The following PTPRT variants were observed in gnomAD, a reference collection of about 807,000 sequenced individuals.
PTPRT encodes protein tyrosine phosphatase receptor type T.
A neutral mutation model predicts 176.8 loss-of-function variants in PTPRT; 56 were observed. The observed-to-expected ratio is 0.32, with a 90% CI of 0.26 to 0.40. The LOEUF is 0.40. Ranked by LOEUF, PTPRT falls within the 10% of genes least tolerant of loss-of-function variation. The pLI is 1.00. For missense variants in PTPRT, 1,540 were observed against 1,908.2 expected (o/e 0.81, Z 3.60); for synonymous variants, 783 against 739.0 (o/e 1.06, Z -0.96).
intron 7 of PTPRT, among the ~76,000 whole-genome samples, chr20:42,596,160 T>C (rs1028671982): frequency 5.9e-5 from 9 of 152,204 alleles, no homozygotes; most frequent in Admixed American, 5.9e-4. Flanking sequence ...TCCAGTGGTA[T>C]AGATCTATCA....
intron 1 of PTPRT, among the ~76,000 whole-genome samples, chr20:43,036,295 G>A (rs1056775830): frequency 2.6e-5 from 4 of 152,152 alleles, no homozygotes; most frequent in African/African-American, 9.7e-5. Flanking sequence ...TCACAAGTGG[G>A]ATCATGGCAT....
intron 1 of PTPRT, among the ~76,000 whole-genome samples, chr20:42,888,244 T>C (rs2079134314): frequency 6.6e-6 from 1 of 151,732 alleles, no homozygotes; most frequent in East Asian, 1.9e-4. Flanking sequence ...ATATAAACTT[T>C]TCTTGTCATA....
At chr20:42,894,768 A>G (rs983095537) in intron 1 of PTPRT, among the ~76,000 whole-genome samples, 1 of 152,188 alleles carries the variant, frequency 6.6e-6, no homozygotes, top group African/African-American at 2.4e-5. Context: ...TTCACTGCCC[A>G]GGCCCAGGAT....
intron 1 of PTPRT, among the ~76,000 whole-genome samples, chr20:42,961,498 T>C (rs1481796919): frequency 1.3e-5 from 2 of 152,172 alleles, no homozygotes; most frequent in African/African-American, 4.8e-5. Flanking sequence ...GTAGAATGAG[T>C]GTCCTCGAAC....
chr20:42,711,268 G>T (rs1166531761), intron 6 of PTPRT, among the ~76,000 whole-genome samples: 1 of 152,084 alleles, frequency 6.6e-6, no homozygotes, highest in Non-Finnish European at 1.5e-5. Context: ...GGGGTCCAGG[G>T]GTGGAATGAT....
chr20:42,857,302 T>A (rs1245603500), intron 2 of PTPRT, among the ~76,000 whole-genome samples: 1 of 152,186 alleles, frequency 6.6e-6, no homozygotes, highest in East Asian at 1.9e-4. Context: ...ACTGCCCACA[T>A]CTGTTTCCAA....
chr20:42,417,674 T>C (rs766407245), intron 9 of PTPRT, among the ~76,000 whole-genome samples: 1 of 150,330 alleles, frequency 6.7e-6, no homozygotes, highest in Non-Finnish European at 1.5e-5. Flanking sequence ...ATTTACTGTA[T>C]CTAGCATGCC....
chr20:42,237,908 G>T (rs1250726754), intron 14 of PTPRT, among the ~76,000 whole-genome samples: 4 of 152,110 alleles, frequency 2.6e-5, no homozygotes, highest in Admixed American at 2.6e-4. Context: ...TTGATTACTT[G>T]CAACCATTAT....
At chr20:42,212,840 A>G (rs1392280309) in intron 15 of PTPRT, among the ~76,000 whole-genome samples, 3 of 152,226 alleles carry the variant, frequency 2.0e-5, no homozygotes, top group African/African-American at 7.2e-5. Flanking sequence ...TTAAATATGA[A>G]TACTTTGAAG....
chr20:42,400,514 A>G (rs879396357), intron 9 of PTPRT, among the ~76,000 whole-genome samples: 2 of 152,134 alleles, frequency 1.3e-5, no homozygotes, highest in African/African-American at 2.4e-5. Context: ...TCCAGGGGAC[A>G]ACAGAACTAT....
intron 7 of PTPRT, among the ~76,000 whole-genome samples, chr20:42,652,470 G>T (rs982952019): frequency 6.6e-6 from 1 of 152,138 alleles, no homozygotes; most frequent in Non-Finnish European, 1.5e-5. Context: ...CCTGCATCTG[G>T]TTATGATTGC....
chr20:43,097,921 T>C (rs1263385357), intron 1 of PTPRT, among the ~76,000 whole-genome samples: 2 of 152,120 alleles, frequency 1.3e-5, no homozygotes, highest in Non-Finnish European at 2.9e-5. Context: ...TACATTAATA[T>C]GGATGCAAGA....
chr20:42,119,785 CTCAT>C lies in PTPRT; in HGVS notation c.2884+146_2884+149del, dbSNP rs1454709447. On this transcript the variant is annotated intron_variant, in intron 20 of 30. Coordinates refer to ENST00000373187, the MANE Select transcript of PTPRT (RefSeq NM_007050.6). ...TCCGTGGCTTCTTTGCTGGTGGAAA[CTCAT>C]TCCTCTCCTCCAGGGCTGTTTAGTG... is the stretch of plus-strand genomic sequence containing the variant. The C allele has an allele frequency of 6.4e-6, 4 of 624,040 alleles. No homozygotes were observed. The African/African-American group carries it at 7.6e-5, about 12-fold the overall frequency. The allele number at this position is 624,040 out of a possible 1,614,324, so 38.7% of individuals were successfully genotyped here.
intron 13 of PTPRT, among the ~76,000 whole-genome samples, chr20:42,256,632 A>G (rs2056646678): frequency 6.7e-6 from 1 of 149,246 alleles, no homozygotes; most frequent in Non-Finnish European, 1.5e-5. Flanking sequence ...AGAAATAATC[A>G]CCAGAAACCA....
chr20:42,236,078 A>C (rs1263031660), intron 15 of PTPRT, 151 bp downstream of exon 15: 1 of 587,482 alleles, frequency 1.7e-6, no homozygotes, highest in Non-Finnish European at 2.9e-6. Context: ...CAAATGTAAC[A>C]CATTTATGCA....
intron 16 of PTPRT, 86 bp from the exon 17 acceptor site, chr20:42,161,628 A>T: frequency 3.5e-6 from 5 of 1,421,442 alleles, no homozygotes; most frequent in Non-Finnish European, 4.7e-6. Context: ...TGGCCTGAGG[A>T]GGGCAGAGGG....
chr20:42,599,927 GCCTCTC>G (rs1211205536), intron 7 of PTPRT, among the ~76,000 whole-genome samples: 1 of 151,788 alleles, frequency 6.6e-6, no homozygotes, highest in Non-Finnish European at 1.5e-5. Context: ...TATGCCCCAG[GCCTCTC>G]CATGGAGCCA....
At chr20:42,325,344 C>A (rs1313343131) in intron 11 of PTPRT, among the ~76,000 whole-genome samples, 1 of 152,154 alleles carries the variant, frequency 6.6e-6, no homozygotes, top group Non-Finnish European at 1.5e-5. Flanking sequence ...GGCCCTTCTC[C>A]TATGATTGAA....
Position 43,189,574 on chromosome 20 carries a change from C to CCCCGCGCCTGGCACACG in PTPRT, c.88+71_88+72insCGTGTGCCAGGCGCGGG. ...CCCACACAACTTTCTCCTCCGAGGG[C>CCCCGCGCCTGGCACACG]CCCGCGGCTGGGGGCCCGCGCGCAT... On this transcript the variant is annotated intron_variant, in intron 1 of 30. Coordinates refer to ENST00000373187, the MANE Select transcript of PTPRT (RefSeq NM_007050.6). This position sits in a 1 kb window ranked among gnomAD's most constrained non-coding sequence, Gnocchi z 5.0. 1 of 1,030,648 alleles carries CCCCGCGCCTGGCACACG rather than the reference C, an allele frequency of 9.7e-7. No homozygotes were observed. Among genetic ancestry groups the CCCCGCGCCTGGCACACG allele is most frequent in the Non-Finnish European group, 1.2e-6 (1 of 814,760 alleles). 63.8% of individuals were successfully genotyped at this position (1,030,648 alleles called of 1,614,324 possible). A position where few individuals can be genotyped will look rare whatever the true frequency, so the allele number is the denominator to read the frequency against.
Sources: allele counts gnomAD v4.1 joint callset (sites outside exome capture counted in the v4.1 genomes callset), GRCh38; gene constraint gnomAD v4.1.1; non-coding constraint Gnocchi (gnomAD v3.1); transcripts MANE v1.5; gene names NCBI Gene and HGNC (gene_info 2026-07-23, HGNC 2026-07-21).